ZFHX3: variants seen among roughly 807,000 people sequenced by gnomAD.
ZFHX3 encodes the protein zinc finger homeobox protein 3.
A neutral mutation model predicts 279.1 loss-of-function variants in ZFHX3; 42 were observed. The ratio of observed to expected loss-of-function variants is 0.15; its 90% CI spans 0.12 to 0.19. ZFHX3 has a LOEUF of 0.19. Among genes scored for constraint, ZFHX3 ranks in the 10% least tolerant of loss-of-function variants. The pLI, the probability that ZFHX3 is intolerant of heterozygous loss-of-function variation, is 1.00. For synonymous variants in ZFHX3, 2,293 were observed against 1,957.8 expected, an observed-to-expected ratio of 1.17 and a Z score of -4.52; for missense variants, 4,981 against 4,754.0, an observed-to-expected ratio of 1.05 and a Z score of -1.40.
intron 1 of ZFHX3, among the ~76,000 whole-genome samples, chr16:73,024,119 C>T (rs905826745): frequency 6.6e-6 from 1 of 152,214 alleles, no homozygotes; most frequent in Non-Finnish European, 1.5e-5. Context: ...ATCAAGGTCA[C>T]TGGAGACAAG....
intron 5 of ZFHX3, among the ~76,000 whole-genome samples, chr16:73,186,116 A>G (rs1967902299): frequency 6.6e-6 from 1 of 152,040 alleles, no homozygotes; most frequent in South Asian, 2.1e-4. Flanking sequence ...TTGCAAGAAA[A>G]CAAGCTCAGG....
intron 7 of ZFHX3, among the ~76,000 whole-genome samples, chr16:73,129,781 G>A (rs2144817858): frequency 6.6e-6 from 1 of 151,856 alleles, no homozygotes; most frequent in South Asian, 2.1e-4. Flanking sequence ...CCTTTCAACC[G>A]ATATTTTGGG....
chr16:73,011,788 C>A (rs1039490936), intron 1 of ZFHX3, among the ~76,000 whole-genome samples: 1 of 151,660 alleles, frequency 6.6e-6, no homozygotes, highest in Non-Finnish European at 1.5e-5. Flanking sequence ...CCCCTCCCCC[C>A]AAAATACTGG....
At chr16:72,851,350 C>T (rs1425914667) in intron 4 of ZFHX3, among the ~76,000 whole-genome samples, 1 of 152,188 alleles carries the variant, frequency 6.6e-6, no homozygotes, top group Non-Finnish European at 1.5e-5. Flanking sequence ...ATGTGGGTGA[C>T]AGGGAGATAC....
At chr16:73,804,096 C>G (rs1960209145) in intron 1 of ZFHX3, among the ~76,000 whole-genome samples, 1 of 152,106 alleles carries the variant, frequency 6.6e-6, no homozygotes, top group African/African-American at 2.4e-5. Flanking sequence ...GGCTGAGGCT[C>G]CAGTGAGCCG....
chr16:73,708,637 A>G (rs2053328035), intron 1 of ZFHX3, among the ~76,000 whole-genome samples: 1 of 152,214 alleles, frequency 6.6e-6, no homozygotes, highest in Admixed American at 6.5e-5. Context: ...CCCTCTGAGA[A>G]TTCTGTAATT....
intron 3 of ZFHX3, among the ~76,000 whole-genome samples, chr16:73,334,652 C>T (rs968298748): frequency 2.6e-5 from 4 of 151,802 alleles, no homozygotes; most frequent in African/African-American, 9.7e-5. Context: ...AGATTAGAAA[C>T]GAAGAACGGA....
At chr16:73,616,441 A>C (rs1198001507) in intron 2 of ZFHX3, among the ~76,000 whole-genome samples, 1 of 147,012 alleles carries the variant, frequency 6.8e-6, no homozygotes, top group Non-Finnish European at 1.5e-5. Context: ...AAAAAAAAAA[A>C]CACCAATGCT....
intron 4 of ZFHX3, among the ~76,000 whole-genome samples, chr16:73,308,910 G>GACT (rs1242813058): frequency 6.6e-6 from 1 of 151,512 alleles, no homozygotes; most frequent in Non-Finnish European, 1.5e-5. Context: ...ATATGATAGG[G>GACT]ACTACACAAT....
chr16:73,808,447 G>C (rs1225438276), intron 1 of ZFHX3: 1 of 152,216 alleles, frequency 6.6e-6, no homozygotes, highest in Non-Finnish European at 1.5e-5. Flanking sequence ...CTGTGAGTGA[G>C]GAGTCCTTCT....
intron 3 of ZFHX3, among the ~76,000 whole-genome samples, chr16:73,430,631 T>A (rs745832706): frequency 1.1e-4 from 16 of 152,340 alleles, no homozygotes; most frequent in Non-Finnish European, 2.2e-4. Flanking sequence ...CCCTGGCTCT[T>A]CTGCCTGTCA....
Position 73,483,339 on chromosome 16 carries a change from G to A in ZFHX3, c.-1546-27081C>T, listed in dbSNP as rs866647053. On this transcript the variant is annotated intron_variant, in intron 2 of 17. Transcript: ENST00000641206. ...ACCAAGAGCGAGCGAGTGAGAGACA[G>A]AGAGAGAGAGAAAGAGAGAGAGAGA... The A allele has an allele frequency of 4.7e-5, 19 of 402,388 alleles. 1 individual carries two copies. The Middle Eastern group carries it at 6.4e-3, about 135-fold the overall frequency. The allele number at this position is 402,388 out of a possible 1,614,324, so 24.9% of individuals were successfully genotyped here.
In ZFHX3 at chr16:73,261,668, G is replaced by GTTTT. The variant is rs1187489542; in HGVS notation, c.-1193-4536_-1193-4533dup. On this transcript the variant is annotated intron_variant, in intron 4 of 17. Transcript: ENST00000641206. ...TATAAATATAAACATTCCTGTGATT[G>GTTTT]TTTTTTTTTTTTTTTTTTTTTTTTA... 1.1e-3 allele frequency among the ~76,000 whole-genome samples: 88 copies of GTTTT among 80,688 alleles called. 8 individuals are homozygous for GTTTT. Among genetic ancestry groups the GTTTT allele is most frequent in the Middle Eastern group, 0.01 (1 of 98 alleles). 52.9% of individuals were successfully genotyped at this position (80,688 alleles called of 152,430 possible).
chr16:73,161,950 T>G (rs28533147), intron 5 of ZFHX3, among the ~76,000 whole-genome samples: 21,042 of 152,206 alleles, frequency 0.14, 1,914 homozygotes, highest in Middle Eastern at 0.26. Flanking sequence ...TCATTTGAGA[T>G]AATAATATGA....
intron 4 of ZFHX3, among the ~76,000 whole-genome samples, chr16:73,264,077 G>A (rs564568724): frequency 4.6e-5 from 7 of 152,294 alleles, no homozygotes; most frequent in African/African-American, 1.7e-4. Flanking sequence ...TGAGGCATGA[G>A]AATAGCTTGA....
At chr16:72,889,998 A>G in intron 3 of ZFHX3, 36 bp from the exon 4 acceptor site, 1 of 1,568,172 alleles carries the variant, frequency 6.4e-7, no homozygotes, top group African/African-American at 1.3e-5. Flanking sequence ...TGCCTTGGGT[A>G]AGCCACTCGA....
intron 2 of ZFHX3, among the ~76,000 whole-genome samples, chr16:73,557,927 C>T (rs1227080288): frequency 6.6e-6 from 1 of 152,118 alleles, no homozygotes; most frequent in Non-Finnish European, 1.5e-5. Flanking sequence ...CCCCCAAAAG[C>T]ACACCATTCT....
intron 4 of ZFHX3, among the ~76,000 whole-genome samples, chr16:73,278,046 T>C (rs2014348937): frequency 6.6e-6 from 1 of 152,180 alleles, no homozygotes; most frequent in Non-Finnish European, 1.5e-5. Context: ...ACACTGGGGA[T>C]TACAATTTGA....
chr16:73,190,687 CTTG>C (rs1291161502), intron 5 of ZFHX3, among the ~76,000 whole-genome samples: 3 of 152,330 alleles, frequency 2.0e-5, no homozygotes, highest in South Asian at 2.1e-4. Flanking sequence ...GGAAAAGCTA[CTTG>C]TTGTGGCTGA....
Sources: gnomAD v4.1 joint callset for allele counts (sites outside exome capture counted in the v4.1 genomes callset) on GRCh38, gnomAD v4.1.1 for gene constraint, MANE v1.5 for transcripts, NCBI Gene and HGNC (gene_info 2026-07-23, HGNC 2026-07-21) for gene names.